Variants in NCOR2 observed in about 807,000 individuals in gnomAD.
The protein encoded by NCOR2 is nuclear receptor corepressor 2, also known as CTG repeat protein 26.
NCOR2 carries 81 observed loss-of-function variants against 262.9 expected under a neutral mutation model. The ratio of observed to expected loss-of-function variants is 0.31; its 90% confidence interval spans 0.26 to 0.37. The LOEUF is 0.37. Ranked by LOEUF, NCOR2 falls within the 10% of genes least tolerant of loss-of-function variation. The pLI is 1.00. For synonymous variants in NCOR2, 1,659 were observed against 1,559.3 expected, an observed-to-expected ratio of 1.06 and a Z score of -1.51; for missense variants, 3,385 against 3,621.4, an observed-to-expected ratio of 0.93 and a Z score of 1.68.
At chr12:124,508,192 G>A (rs879583175) in intron 1 of NCOR2, among the ~76,000 whole-genome samples, 4 of 152,226 alleles carry the variant, frequency 2.6e-5, no homozygotes, top group African/African-American at 2.4e-5. Flanking sequence ...CCCCACTGCC[G>A]CCTGGGCTCC....
intron 5 of NCOR2, among the ~76,000 whole-genome samples, chr12:124,458,035 G>A (rs113525400): frequency 0.024 from 3,709 of 152,358 alleles, 73 homozygotes; most frequent in Middle Eastern, 0.051. Flanking sequence ...GCTAAACTGC[G>A]TGTGTGCTGG....
At position 124,333,489 on chromosome 12, in the gene NCOR2, A is replaced by G. The variant is rs574111477; in HGVS notation, c.6606-210T>C. ...AACAACCCTTTAAAAATGTAAAATCATTTTTTTAGTTCATGAATTGTACAA... is the reference window on the plus strand; with the variant it reads ...AACAACCCTTTAAAAATGTAAAATCGTTTTTTTAGTTCATGAATTGTACAA... On this transcript the variant is annotated intron_variant, in intron 41 of 46. Transcript: ENST00000405201. Among the ~76,000 whole-genome samples the G allele has an allele frequency of 2.0e-5, 3 of 151,908 alleles. No individual in the cohort carries two copies. The East Asian group carries it at 5.8e-4, about 29-fold the overall frequency.
intron 10 of NCOR2, among the ~76,000 whole-genome samples, chr12:124,427,392 G>A (rs2043613790): frequency 6.6e-6 from 1 of 152,218 alleles, no homozygotes; most frequent in African/African-American, 2.4e-5. Context: ...CGCTCCTAAT[G>A]CACTGGGATG....
intron 22 of NCOR2, among the ~76,000 whole-genome samples, chr12:124,360,846 T>C: frequency 6.6e-6 from 1 of 152,130 alleles, no homozygotes; most frequent in East Asian, 1.9e-4. Flanking sequence ...CCCGTTTTGT[T>C]TCTCATGGTG....
In NCOR2 at chr12:124,482,325, G is replaced by A. The variant is rs1378688680; in HGVS notation, c.411+1271C>T. On this transcript the variant is annotated intron_variant, in intron 3 of 46. Coordinates refer to ENST00000405201, the Ensembl canonical transcript of NCOR2. This position sits in a 1 kb window ranked among gnomAD's most constrained non-coding sequence, Gnocchi z 6.3. ...GTCGGGGCCACAGCCACTCAGAGCA[G>A]GAGGGGAAGCCCAGCCATCCCAGCC... Among the ~76,000 whole-genome samples, 1 of 152,012 alleles carries A rather than the reference G, an allele frequency of 6.6e-6. No homozygotes were observed. Among genetic ancestry groups the A allele is most frequent in the Non-Finnish European group, 1.5e-5 (1 of 67,960 alleles).
At chr12:124,514,185 T>A (rs1336220903) in intron 1 of NCOR2, 4 of 152,088 alleles carry the variant, frequency 2.6e-5, no homozygotes, top group African/African-American at 9.7e-5. Context: ...CTGTCATGAG[T>A]GGGATTGGTG....
rs1460763937 is a variant in NCOR2 at position 124,517,248 on chromosome 12, C to G, written c.-118+18317G>C. ...CAAAGGAGCAACATTGCCTGGAAGC[C>G]CAGCCCCCTCCCTTCCCCAGCCTGG... On this transcript the variant is annotated intron_variant, in intron 1 of 46. Coordinates refer to the NCOR2 transcript ENST00000404621. This position sits in a 1 kb window ranked among gnomAD's most constrained non-coding sequence, Gnocchi z 7.6. Among the ~76,000 whole-genome samples the G allele has an allele frequency of 6.6e-6, 1 of 152,140 alleles. No individual in the cohort carries two copies. Among genetic ancestry groups the G allele is most frequent in the Admixed American group, 6.5e-5 (1 of 15,280 alleles).
At chr12:124,449,977 G>A (rs2045417577) in intron 6 of NCOR2, 110 bp from the exon 9 acceptor site, 5 of 1,110,100 alleles carry the variant, frequency 4.5e-6, no homozygotes, top group Non-Finnish European at 6.5e-6. Context: ...CTCTGGGTGA[G>A]GGCTCAGCCG....
At chr12:124,473,084 G>T in exon 4 of NCOR2, 1 of 1,614,044 alleles carries the variant, frequency 6.2e-7, no homozygotes, top group Middle Eastern at 1.7e-4. Flanking sequence ...CAGTGTGCGG[G>T]GGGCTGGGGG....
intron 16 of NCOR2, among the ~76,000 whole-genome samples, chr12:124,387,509 C>T (rs1414520747): frequency 3.3e-5 from 5 of 152,220 alleles, no homozygotes; most frequent in Admixed American, 6.5e-5. Flanking sequence ...GCAACGCGGG[C>T]GTGGGGCCCC....
intron 28 of NCOR2, among the ~76,000 whole-genome samples, chr12:124,349,834 C>T (rs975177009): frequency 6.6e-6 from 1 of 152,154 alleles, no homozygotes; most frequent in Non-Finnish European, 1.5e-5. Flanking sequence ...GGCACTCGGT[C>T]CAGGGGCACC....
intron 3 of NCOR2, among the ~76,000 whole-genome samples, chr12:124,476,165 C>A (rs376204957): frequency 1.3e-5 from 2 of 152,162 alleles, no homozygotes; most frequent in East Asian, 3.9e-4. Flanking sequence ...GCGTCTGGCA[C>A]CCCCGGGCCT....
chr12:124,333,254 C>T (rs2035375529), exon 42 of NCOR2: 1 of 1,611,038 alleles, frequency 6.2e-7, no homozygotes, highest in South Asian at 1.1e-5. Flanking sequence ...CCACCCAAGA[C>T]CGACGTCTTG....
chr12:124,502,150 C>T (rs1364385896), intron 1 of NCOR2, among the ~76,000 whole-genome samples: 1 of 152,190 alleles, frequency 6.6e-6, no homozygotes, highest in Admixed American at 6.5e-5. Context: ...TGCGGAAAGC[C>T]GGTGGGACGT....
exon 35 of NCOR2, chr12:124,340,738 C>G (rs749292592): frequency 9.7e-6 from 15 of 1,544,232 alleles, no homozygotes; most frequent in Admixed American, 2.3e-5. Flanking sequence ...GCACTTGGGA[C>G]AGGTCGATGA....
At chr12:124,385,646 CT>C in intron 17 of NCOR2, 98 bp downstream of exon 19, 2 of 1,514,588 alleles carry the variant, frequency 1.3e-6, no homozygotes, top group Middle Eastern at 2.0e-4. Context: ...TAGCCCCTCC[CT>C]GGCCCATGCC....
chr12:124,341,991 G>T, exon 34 of NCOR2: 1 of 1,613,496 alleles, frequency 6.2e-7, no homozygotes, highest in African/African-American at 1.3e-5. Flanking sequence ...GCCGTGTCGG[G>T]GTAGCCGCGG....
chr12:124,403,185 TG>T (rs1565912050), intron 13 of NCOR2, among the ~76,000 whole-genome samples: 1 of 151,672 alleles, frequency 6.6e-6, no homozygotes, highest in Non-Finnish European at 1.5e-5. Flanking sequence ...AACGGGGAGG[TG>T]GGGGGATGCC....
intron 45 of NCOR2, 120 bp from the exon 48 acceptor site, chr12:124,326,490 G>T: frequency 9.9e-7 from 1 of 1,006,468 alleles, no homozygotes; most frequent in Non-Finnish European, 1.3e-6. Context: ...GGGAGGGAGA[G>T]CAGTAACGTG....
Sources: allele counts gnomAD v4.1 joint callset (sites outside exome capture counted in the v4.1 genomes callset), GRCh38; gene constraint gnomAD v4.1.1; non-coding constraint Gnocchi (gnomAD v3.1); transcripts MANE v1.5; gene names NCBI Gene and HGNC (gene_info 2026-07-23, HGNC 2026-07-21).